SYNE1: variants seen among roughly 807,000 people sequenced by gnomAD.
SYNE1 encodes nesprin-1.
A neutral mutation model predicts 1,111.0 loss-of-function variants in SYNE1; 616 were observed. That is an observed-to-expected ratio of 0.55 (90% CI 0.52 to 0.59). The LOEUF is 0.59. SYNE1 is among the 20% of genes least tolerant of loss of function. SYNE1 has a pLI of 0.00. For synonymous variants in SYNE1, 3,855 were observed against 3,825.8 expected (o/e 1.01, Z -0.28); for missense variants, 10,006 against 10,417.0 (o/e 0.96, Z 1.72).
rs1166869172 is a variant in SYNE1, at chr6:152,330,696, G to T, written c.13989C>A (p.Phe4663Leu). The T allele has an allele frequency of 5.6e-6, 9 of 1,613,826 alleles. No individual in the cohort carries two copies. The Admixed American group carries it at 8.3e-5, about 15-fold the overall frequency. ...NVIVALAKDK[F>L]YKVQEAILAR... ...CAAGAATTGCTTCCTGGACTTTATAGAACTTGTCTTTAGCCAAGGCAACAA... is the reference window on the plus strand; with the variant it reads ...CAAGAATTGCTTCCTGGACTTTATATAACTTGTCTTTAGCCAAGGCAACAA... The change falls in exon 78 of 146, where the codon TTC becomes TTA. Residue 4663 changes from phenylalanine to leucine, a missense_variant. Phe to Leu is a conservative substitution (Grantham distance 22). Coordinates refer to ENST00000367255, the MANE Select transcript of SYNE1 (RefSeq NM_182961.4).
chr6:152,472,506 G>T, intron 14 of SYNE1, 93 bp from the exon 15 acceptor site: 5 of 1,158,172 alleles, frequency 4.3e-6, no homozygotes, highest in Non-Finnish European at 6.4e-6. Flanking sequence ...ATGAGTCAAT[G>T]TATTCAACAA....
rs915233021 is a variant in SYNE1, at chr6:152,192,382, T to C, written c.23146-2975A>G. The stretch of plus-strand genomic sequence containing the variant: ...GCTATTATTGTATTTGGGTCTAATG[T>C]CTCTCTTTAGCTCCAATAATATTTG... On this transcript the variant is annotated intron_variant, in intron 127 of 145. Coordinates refer to ENST00000367255, the MANE Select transcript of SYNE1 (RefSeq NM_182961.4). Among the ~76,000 whole-genome samples, 4 of 152,234 alleles carry C rather than the reference T, an allele frequency of 2.6e-5. No homozygotes were observed. In the East Asian group the frequency reaches 5.8e-4, roughly 22 times the overall value.
intron 94 of SYNE1, 87 bp from the exon 95 acceptor site, chr6:152,293,836 G>T: frequency 6.2e-7 from 1 of 1,609,834 alleles, no homozygotes; most frequent in Non-Finnish European, 8.5e-7. Flanking sequence ...CTTTACCTCT[G>T]TGGCCCAACA....
At chr6:152,195,941 T>A (rs1337217498) in intron 127 of SYNE1, among the ~76,000 whole-genome samples, 1 of 152,114 alleles carries the variant, frequency 6.6e-6, no homozygotes, top group Non-Finnish European at 1.5e-5. Flanking sequence ...ACCTTAGAAA[T>A]CTACCTGGTG....
chr6:152,430,077 T>G (rs758992984), intron 36 of SYNE1, 35 bp downstream of exon 36: 2 of 1,415,862 alleles, frequency 1.4e-6, no homozygotes, highest in South Asian at 2.4e-5. Flanking sequence ...AATTTTAAGT[T>G]GGTAAATAGT....
At chr6:152,556,801 TG>T in intron 3 of SYNE1, among the ~76,000 whole-genome samples, 1 of 152,302 alleles carries the variant, frequency 6.6e-6, no homozygotes, top group African/African-American at 2.4e-5. Context: ...TCAGGCTGAC[TG>T]ATGAAGGGCT....
intron 104 of SYNE1, among the ~76,000 whole-genome samples, chr6:152,251,246 C>T (rs1274912347): frequency 2.6e-5 from 4 of 152,054 alleles, no homozygotes; most frequent in Non-Finnish European, 5.9e-5. Flanking sequence ...CCACCGCACC[C>T]GGCCCATTTT....
At chr6:152,630,432 C>T (rs975938051) in intron 2 of SYNE1, among the ~76,000 whole-genome samples, 1 of 152,148 alleles carries the variant, frequency 6.6e-6, no homozygotes, top group Non-Finnish European at 1.5e-5. Context: ...CTGTCACATA[C>T]ATACCTATAG....
chr6:152,331,838 A>C lies in SYNE1; in HGVS notation c.12847T>G (p.Leu4283Val). ...GCATACTTTCTCTCCTGCAATGCCA[A>C]TGCTAACTTTTTCAAAGCTTCCAGG... ...VHLEALKKLA[L>V]ALQERKYAIE... The change falls in exon 78 of 146, where the codon TTG becomes GTG. Residue 4283 changes from leucine (L) to valine (V), a missense_variant. By Grantham distance (32) the Leu-to-Val change is conservative. Coordinates refer to ENST00000367255, the MANE Select transcript of SYNE1 (RefSeq NM_182961.4). The C allele has an allele frequency of 6.2e-7, 1 of 1,613,954 alleles. No homozygotes were observed. Among genetic ancestry groups the C allele is most frequent in the South Asian group, 1.1e-5 (1 of 91,084 alleles).
rs1481630513 is a variant in SYNE1, at chr6:152,316,909, A to G, written c.16650T>C (p.Ala5550=). 6.2e-6 allele frequency: 10 copies of G among 1,614,072 alleles called. No homozygotes were observed. The highest frequency in any genetic ancestry group is 3.3e-5 in the South Asian group (3 of 91,092). ...CAGAATTCCATGCAATAGTTCCATGAGCCAAGACTTTAGCTTTTTCAATCC... is the reference window on the plus strand; with the variant it reads ...CAGAATTCCATGCAATAGTTCCATGGGCCAAGACTTTAGCTTTTTCAATCC... ...LKWIEKAKVL[A]HGTIAWNSAS... The change falls in exon 87 of 146, where the codon GCT becomes GCC. Residue 5550 remains alanine (A), a synonymous_variant. Transcript: ENST00000367255.
At chr6:152,168,567 C>T (rs1231214537) in intron 130 of SYNE1, among the ~76,000 whole-genome samples, 8 of 152,292 alleles carry the variant, frequency 5.3e-5, no homozygotes, top group Admixed American at 3.3e-4. Flanking sequence ...ACTTTTCTTG[C>T]GGGCAGTTTG....
At chr6:152,235,042 A>G (rs971625633) in intron 110 of SYNE1, among the ~76,000 whole-genome samples, 1 of 152,096 alleles carries the variant, frequency 6.6e-6, no homozygotes, top group Admixed American at 6.5e-5. Flanking sequence ...ACTCTTTCAC[A>G]TTGATGCTAC....
chr6:152,352,254 T>G lies in SYNE1; in HGVS notation c.11353A>C (p.Arg3785=). 6.2e-7 allele frequency: 1 copy of G among 1,614,116 alleles called. No homozygotes were observed. Among genetic ancestry groups the G allele is most frequent in the Non-Finnish European group, 8.5e-7 (1 of 1,180,000 alleles). Residue 3785 remains arginine, a synonymous_variant, in exon 70 of 146, where the codon AGG becomes CGG. Coordinates refer to ENST00000367255, the MANE Select transcript of SYNE1 (RefSeq NM_182961.4). ...TGATCATGAATCTCCTTTCTTAACC[T>G]CTCTGCCTCGCCTTCCTCCAAGTAT... ...VKYLEEGEAE[R]LRKEIHDHME... is the part of the protein sequence containing the mutation.
intron 72 of SYNE1, among the ~76,000 whole-genome samples, chr6:152,349,116 C>T (rs925546696): frequency 3.3e-5 from 5 of 152,340 alleles, no homozygotes; most frequent in African/African-American, 9.6e-5. Context: ...TTTCCTAAGA[C>T]GCACTGTCAG....
At chr6:152,145,202 T>C in intron 137 of SYNE1, 1 of 449,016 alleles carries the variant, frequency 2.2e-6, no homozygotes, top group Non-Finnish European at 4.1e-6. Context: ...TGACTGGGTT[T>C]TCCTTCTCAT....
rs181559701 is a variant in SYNE1 at position 152,145,884 on chromosome 6, G to C, written c.24977-2119C>G. On this transcript the variant is annotated intron_variant, in intron 137 of 145. Coordinates refer to ENST00000367255, the MANE Select transcript of SYNE1 (RefSeq NM_182961.4). ...TACTAAAAATACAAAAATTAGCCAG[G>C]TGTGGTGACAGGTACCTGTAATCCC... 8.5e-6 allele frequency: 3 copies of C among 354,520 alleles called. No individual in the cohort carries two copies. In the Admixed American group the frequency reaches 1.1e-4, roughly 14 times the overall value. 22.0% of individuals were successfully genotyped at this position (354,520 alleles called of 1,614,324 possible).
rs114233815 is a variant in SYNE1, at chr6:152,168,252, T to C, written c.23628-3927A>G. ...AGACTCTGCAGAGCAAAAAGCTATATCCTGCGTGGGGATGAAAGTTTCCCC... is the reference window on the plus strand; with the variant it reads ...AGACTCTGCAGAGCAAAAAGCTATACCCTGCGTGGGGATGAAAGTTTCCCC... On this transcript the variant is annotated intron_variant, in intron 130 of 145. Coordinates refer to ENST00000367255, the MANE Select transcript of SYNE1 (RefSeq NM_182961.4). The C allele has an allele frequency of 2.6e-3, 1,815 of 685,882 alleles. 12 individuals carry two copies. Among genetic ancestry groups the C allele is most frequent in the Middle Eastern group, 0.01 (41 of 4,044 alleles). 42.5% of individuals were successfully genotyped at this position (685,882 alleles called of 1,614,324 possible).
rs1269168613 is a variant in SYNE1, at chr6:152,206,303, G to A, written c.22884C>T (p.Gly7628=). Residue 7628 remains glycine, a synonymous_variant, in exon 126 of 146, where the codon GGC becomes GGT. Transcript: ENST00000367255. The part of the protein sequence containing the change: ...QGSYILTVEA[G]KQLLLSADSG... ...TGTCCGCCGAGAGAAGGAGTTGCTT[G>A]CCAGCCTCCACAGTCAGGATGTAGC... The A allele has an allele frequency of 2.5e-6, 4 of 1,614,076 alleles. No individual in the cohort carries two copies. In the South Asian group the frequency reaches 3.3e-5, roughly 13 times the overall value.
intron 45 of SYNE1, among the ~76,000 whole-genome samples, chr6:152,405,189 T>G (rs904358114): frequency 6.6e-6 from 1 of 152,200 alleles, no homozygotes; most frequent in African/African-American, 2.4e-5. Flanking sequence ...TTTTATTAGC[T>G]AGTGTGTCAC....
Sources: allele counts gnomAD v4.1 joint callset (sites outside exome capture counted in the v4.1 genomes callset), GRCh38; gene constraint gnomAD v4.1.1; transcripts MANE v1.5; gene names NCBI Gene and HGNC (gene_info 2026-07-23, HGNC 2026-07-21).